Variants in RFTN1 observed in about 807,000 individuals in gnomAD.
The protein encoded by RFTN1 is raftlin, lipid raft linker 1, also known as raftlin.
RFTN1 carries 26 observed loss-of-function variants against 46.5 expected under a neutral mutation model. The observed-to-expected ratio is 0.56, with a 90% CI of 0.41 to 0.78. RFTN1 has a LOEUF of 0.78. Among genes scored for constraint, RFTN1 ranks in the 30% least tolerant of loss-of-function variants. RFTN1 has a pLI of 0.00. For synonymous variants in RFTN1, 261 were observed against 284.2 expected, an observed-to-expected ratio of 0.92 and a Z score of 0.82; for missense variants, 693 against 718.7, an observed-to-expected ratio of 0.96 and a Z score of 0.41.
chr3:16,345,798 G>C lies in RFTN1; in HGVS notation c.1146+12134C>G, dbSNP rs2071627330. 2.4e-5 allele frequency among the ~76,000 whole-genome samples: 2 copies of C among 83,692 alleles called. No homozygotes were observed. The highest frequency in any genetic ancestry group is 2.2e-4 in the Admixed American group (2 of 9,168). 54.9% of individuals were successfully genotyped at this position (83,692 alleles called of 152,430 possible). ...CCTTATAATAAATCTCTGTGTGTGT[G>C]TGTGTGTGTGTGTGTGTGTGCGCGC... On this transcript the variant is annotated intron_variant, in intron 7 of 9. Transcript: ENST00000334133. The surrounding 1 kb of genome is among the most constrained non-coding windows in gnomAD (Gnocchi z 5.2).
chr3:16,377,851 C>T lies in RFTN1; in HGVS notation c.693G>A (p.Val231=). 1.9e-6 allele frequency: 3 copies of T among 1,614,198 alleles called. No homozygotes were observed. Among genetic ancestry groups the T allele is most frequent in the Non-Finnish European group, 2.5e-6 (3 of 1,180,016 alleles). The change falls in exon 5 of 10, where the codon GTG becomes GTA. Residue 231 remains valine (V), a synonymous_variant. Transcript: ENST00000334133. ...GTGAGCTGGGCTGCTTGGCGAGGGGCACCTCCCCTCTGGGGCCTGAGCTGG... is the reference window on the plus strand; with the variant it reads ...GTGAGCTGGGCTGCTTGGCGAGGGGTACCTCCCCTCTGGGGCCTGAGCTGG... ...PEPSSGPRGE[V]PLAKQPSSPS...
intron 2 of RFTN1, among the ~76,000 whole-genome samples, chr3:16,464,093 C>T (rs2076050585): frequency 6.6e-6 from 1 of 152,122 alleles, no homozygotes; most frequent in South Asian, 2.1e-4. Context: ...GCTTATCTTT[C>T]GAACCTCTCG....
Position 16,458,681 on chromosome 3 carries a change from A to G in RFTN1, c.146-24644T>C, listed in dbSNP as rs1445395501. Among the ~76,000 whole-genome samples, 4 of 152,224 alleles carry G rather than the reference A, an allele frequency of 2.6e-5. No homozygotes were observed. In the South Asian group the frequency reaches 8.3e-4, roughly 32 times the overall value. ...CTTATTTAGATGTCAAATTCCAGCA[A>G]CTAAAAACTCAGATCCACAAAACAG... On this transcript the variant is annotated intron_variant, in intron 2 of 9. Coordinates refer to ENST00000334133, the MANE Select transcript of RFTN1 (RefSeq NM_015150.2). The surrounding 1 kb of genome is among the most constrained non-coding windows in gnomAD (Gnocchi z 5.1).
Position 16,499,360 on chromosome 3 carries a change from G to C in RFTN1, c.-8-5483C>G, listed in dbSNP as rs1190732010. 6.6e-6 allele frequency among the ~76,000 whole-genome samples: 1 copy of C among 152,152 alleles called. No individual in the cohort carries two copies. Among genetic ancestry groups the C allele is most frequent in the East Asian group, 1.9e-4 (1 of 5,198 alleles). On this transcript the variant is annotated intron_variant, in intron 1 of 9. Coordinates refer to ENST00000334133, the MANE Select transcript of RFTN1 (RefSeq NM_015150.2). This position sits in a 1 kb window ranked among gnomAD's most constrained non-coding sequence, Gnocchi z 4.9. The stretch of plus-strand genomic sequence containing the variant: ...TTCTGGACCCAGCTTTAAGAAACTT[G>C]AGAGCATTTACTCCCTGACTTTTGG...
rs2070683648 is a variant in RFTN1, at chr3:16,334,741, T to C, written c.1147-7865A>G. 6.6e-6 allele frequency among the ~76,000 whole-genome samples: 1 copy of C among 152,210 alleles called. No homozygotes were observed. ...AATGGCCCCAAAGATGTCTACAGCC[T>C]AATCCCAGGAGCCTGTGAAAATGTT... On this transcript the variant is annotated intron_variant, in intron 7 of 9. Transcript: ENST00000334133. The surrounding 1 kb of genome is among the most constrained non-coding windows in gnomAD (Gnocchi z 4.3).
At chr3:16,364,719 T>G (rs1050132412) in intron 6 of RFTN1, among the ~76,000 whole-genome samples, 7 of 152,218 alleles carry the variant, frequency 4.6e-5, no homozygotes, top group African/African-American at 1.4e-4. Context: ...AGCTGTGTAT[T>G]TGACACAATG....
At chr3:16,417,260 A>G (rs907417800) in intron 3 of RFTN1, among the ~76,000 whole-genome samples, 1 of 151,708 alleles carries the variant, frequency 6.6e-6, no homozygotes, top group Non-Finnish European at 1.5e-5. Flanking sequence ...TCAGCCTCCT[A>G]AAGTGCTGAG....
Position 16,383,455 on chromosome 3 carries a change from T to A in RFTN1, c.442-5353A>T, listed in dbSNP as rs1228292917. ...CTGTAACTATAATCAGGAATCATGA[T>A]GTGAAAAATATTTCTTTTTAAAAAA... On this transcript the variant is annotated intron_variant, in intron 4 of 9. Transcript: ENST00000334133. The surrounding 1 kb of genome is among the most constrained non-coding windows in gnomAD (Gnocchi z 4.0). 6.6e-6 allele frequency among the ~76,000 whole-genome samples: 1 copy of A among 152,162 alleles called. No homozygotes were observed. The highest frequency in any genetic ancestry group is 6.6e-5 in the Admixed American group (1 of 15,266).
At position 16,499,064 on chromosome 3, in the gene RFTN1, A is replaced by T. The variant is rs879025224; in HGVS notation, c.-8-5187T>A. Among the ~76,000 whole-genome samples the T allele has an allele frequency of 2.6e-5, 4 of 152,228 alleles. No homozygotes were observed. The highest frequency in any genetic ancestry group is 7.2e-5 in the African/African-American group (3 of 41,456). On this transcript the variant is annotated intron_variant, in intron 1 of 9. Transcript: ENST00000334133. This position sits in a 1 kb window ranked among gnomAD's most constrained non-coding sequence, Gnocchi z 4.9. Reference sequence around the variant, plus strand: ...AAAAGGTCTAAGGAATAGTACTGTCAGATGCAGACAGAAGACACAGGTGTG... The same window carrying T: ...AAAAGGTCTAAGGAATAGTACTGTCTGATGCAGACAGAAGACACAGGTGTG...
intron 8 of RFTN1, among the ~76,000 whole-genome samples, chr3:16,326,177 C>T (rs2069669083): frequency 6.6e-6 from 1 of 152,180 alleles, no homozygotes; most frequent in South Asian, 2.1e-4. Context: ...TGTGACTGGG[C>T]TCAAGGGAGC....
intron 3 of RFTN1, among the ~76,000 whole-genome samples, chr3:16,409,745 C>CATCA (rs2074944107): frequency 6.9e-6 from 1 of 144,800 alleles, no homozygotes; most frequent in Non-Finnish European, 1.5e-5. Flanking sequence ...AGTGCAGTGG[C>CATCA]GTGATCTCGG....
At position 16,419,468 on chromosome 3, in the gene RFTN1, C is replaced by G. The variant is rs144604758; in HGVS notation, c.333-9985G>C. Among the ~76,000 whole-genome samples the G allele has an allele frequency of 3.5e-3, 536 of 152,158 alleles. 4 individuals are homozygous for G. Among genetic ancestry groups the G allele is most frequent in the African/African-American group, 0.012 (499 of 41,486 alleles). ...ATGAGAACTGTACTGAGATTTTTGT[C>G]GAAGGGAGTGGGTGGACGGAAGAGC... On this transcript the variant is annotated intron_variant, in intron 3 of 9. Transcript: ENST00000334133.
rs573827185 is a variant in RFTN1 at position 16,421,601 on chromosome 3, C to G, written c.333-12118G>C. On this transcript the variant is annotated intron_variant, in intron 3 of 9. Coordinates refer to ENST00000334133, the MANE Select transcript of RFTN1 (RefSeq NM_015150.2). The surrounding 1 kb of genome is among the most constrained non-coding windows in gnomAD (Gnocchi z 4.6). The stretch of plus-strand genomic sequence containing the variant: ...CCTTGACTTCGTGATCCGCCCGCCT[C>G]GGCCTCCCAAAGTGCTGGGATTACA... Among the ~76,000 whole-genome samples the G allele has an allele frequency of 6.6e-6, 1 of 152,248 alleles. No homozygotes were observed. Among genetic ancestry groups the G allele is most frequent in the East Asian group, 1.9e-4 (1 of 5,186 alleles).
Position 16,459,177 on chromosome 3 carries a change from C to T in RFTN1, c.146-25140G>A, listed in dbSNP as rs548620343. 1.3e-3 allele frequency among the ~76,000 whole-genome samples: 201 copies of T among 152,264 alleles called. 1 individual carries two copies. The highest frequency in any genetic ancestry group is 4.4e-3 in the African/African-American group (184 of 41,526). ...AACCCCTGGGCTCAAGCAATCCACT[C>T]GCCTTAGCCTCCCAAAGTGCTGGAA... On this transcript the variant is annotated intron_variant, in intron 2 of 9. Transcript: ENST00000334133. The surrounding 1 kb of genome is among the most constrained non-coding windows in gnomAD (Gnocchi z 4.2).
In RFTN1 at chr3:16,329,389, A is replaced by G. The variant is rs560404985; in HGVS notation, c.1147-2513T>C. Among the ~76,000 whole-genome samples the G allele has an allele frequency of 6.6e-6, 1 of 152,082 alleles. No homozygotes were observed. Among genetic ancestry groups the G allele is most frequent in the African/African-American group, 2.4e-5 (1 of 41,404 alleles). ...AACTTAATAAAGGAAGGCGGAAGGG[A>G]GGAGGGAAGGGAGGAAAGGAGAGAG... On this transcript the variant is annotated intron_variant, in intron 7 of 9. Transcript: ENST00000334133. This position sits in a 1 kb window ranked among gnomAD's most constrained non-coding sequence, Gnocchi z 4.5.
rs1310723886 is a variant in RFTN1 at position 16,346,034 on chromosome 3, T to C, written c.1146+11898A>G. ...AAGAATCAAAATTCACTTTGCCCCA[T>C]GATCTTCACCAGAACGGCATACTTG... On this transcript the variant is annotated intron_variant, in intron 7 of 9. Transcript: ENST00000334133. This position sits in a 1 kb window ranked among gnomAD's most constrained non-coding sequence, Gnocchi z 4.4. The C allele has an allele frequency of 5.3e-5, 8 of 152,242 alleles. No individual in the cohort carries two copies. The highest frequency in any genetic ancestry group is 1.9e-4 in the East Asian group (1 of 5,168). The allele number at this position is 152,242 out of a possible 1,614,324, so 9.4% of individuals were successfully genotyped here. A position where few individuals can be genotyped will look rare whatever the true frequency, so the allele number is the denominator to read the frequency against.
At chr3:16,396,128 C>T (rs927864085) in intron 4 of RFTN1, among the ~76,000 whole-genome samples, 9 of 151,834 alleles carry the variant, frequency 5.9e-5, no homozygotes, top group Non-Finnish European at 5.9e-5. Flanking sequence ...GATCAGAGAC[C>T]TCAGGGGAGA....
Position 16,348,440 on chromosome 3 carries a change from C to T in RFTN1, c.1146+9492G>A, listed in dbSNP as rs2071879924. Among the ~76,000 whole-genome samples, 1 of 152,188 alleles carries T rather than the reference C, an allele frequency of 6.6e-6. No homozygotes were observed. Among genetic ancestry groups the T allele is most frequent in the African/African-American group, 2.4e-5 (1 of 41,442 alleles). On this transcript the variant is annotated intron_variant, in intron 7 of 9. Transcript: ENST00000334133. This position sits in a 1 kb window ranked among gnomAD's most constrained non-coding sequence, Gnocchi z 6.3. The stretch of plus-strand genomic sequence containing the variant: ...CACTTCCCACAGCAGGAAGCCCCCA[C>T]ACTCAATTCCCTTAGCCCATCCAAG...
chr3:16,499,571 G>A lies in RFTN1; in HGVS notation c.-8-5694C>T, dbSNP rs1453582426. On this transcript the variant is annotated intron_variant, in intron 1 of 9. Transcript: ENST00000334133. The surrounding 1 kb of genome is among the most constrained non-coding windows in gnomAD (Gnocchi z 4.9). ...ATGCCATGTTAAGCAAAGACAAGCTGTTTCACCAAGCCCTGCCAAAGCTGC... is the reference window on the plus strand; with the variant it reads ...ATGCCATGTTAAGCAAAGACAAGCTATTTCACCAAGCCCTGCCAAAGCTGC... Among the ~76,000 whole-genome samples, 2 of 152,208 alleles carry A rather than the reference G, an allele frequency of 1.3e-5. No homozygotes were observed. The highest frequency in any genetic ancestry group is 6.5e-5 in the Admixed American group (1 of 15,280).
Sources: gnomAD v4.1 joint callset for allele counts (sites outside exome capture counted in the v4.1 genomes callset) on GRCh38, gnomAD v4.1.1 for gene constraint, Gnocchi (gnomAD v3.1) non-coding constraint, MANE v1.5 for transcripts, NCBI Gene and HGNC (gene_info 2026-07-23, HGNC 2026-07-21) for gene names.